Variants in PXDNL observed in about 807,000 individuals in gnomAD.
The protein encoded by PXDNL is probable oxidoreductase PXDNL.
A neutral mutation model predicts 150.8 loss-of-function variants in PXDNL; 145 were observed. The ratio of observed to expected loss-of-function variants is 0.96; its 90% CI spans 0.84 to 1.10. The LOEUF is 1.10. Among genes scored for constraint, PXDNL ranks in the 50% least tolerant of loss-of-function variants. The pLI is 0.00. For missense variants in PXDNL, 2,087 were observed against 1,873.9 expected, an observed-to-expected ratio of 1.11 and a Z score of -2.10; for synonymous variants, 757 against 725.7, an observed-to-expected ratio of 1.04 and a Z score of -0.69.
chr8:51,728,869 C>T (rs1816867472), intron 1 of PXDNL, among the ~76,000 whole-genome samples: 1 of 152,166 alleles, frequency 6.6e-6, no homozygotes. Flanking sequence ...TAGGCCTTCA[C>T]ATTTACTCGC....
At chr8:51,735,167 T>C (rs1817006828) in intron 1 of PXDNL, among the ~76,000 whole-genome samples, 1 of 152,192 alleles carries the variant, frequency 6.6e-6, no homozygotes, top group African/African-American at 2.4e-5. Flanking sequence ...ATATATACAA[T>C]TTTTGTACAT....
chr8:51,468,257 C>T (rs1241051078), intron 8 of PXDNL, among the ~76,000 whole-genome samples: 4 of 151,814 alleles, frequency 2.6e-5, no homozygotes, highest in Non-Finnish European at 2.9e-5. Context: ...ATTGGATTTC[C>T]GTAAATACAT....
intron 1 of PXDNL, among the ~76,000 whole-genome samples, chr8:51,751,234 T>A (rs1174901980): frequency 6.6e-6 from 1 of 152,200 alleles, no homozygotes; most frequent in African/African-American, 2.4e-5. Context: ...CTAATCTTAA[T>A]TATCTGAAAG....
At chr8:51,561,282 A>G (rs577868696) in intron 3 of PXDNL, among the ~76,000 whole-genome samples, 12 of 152,126 alleles carry the variant, frequency 7.9e-5, no homozygotes, top group Middle Eastern at 3.4e-3. Context: ...AAGAATTGAA[A>G]GTAGAGATAT....
At chr8:51,754,367 C>T (rs2130982387) in intron 1 of PXDNL, among the ~76,000 whole-genome samples, 1 of 152,250 alleles carries the variant, frequency 6.6e-6, no homozygotes, top group Non-Finnish European at 1.5e-5. Context: ...TGAGAGCACA[C>T]AAAAGAAACC....
intron 20 of PXDNL, among the ~76,000 whole-genome samples, chr8:51,345,252 A>G (rs887934365): frequency 1.3e-5 from 2 of 152,340 alleles, no homozygotes; most frequent in Admixed American, 6.5e-5. Flanking sequence ...TTCTGCTTTC[A>G]GAAGCTTCCA....
At chr8:51,491,086 A>G (rs2130227795) in intron 5 of PXDNL, among the ~76,000 whole-genome samples, 1 of 152,242 alleles carries the variant, frequency 6.6e-6, no homozygotes, top group African/African-American at 2.4e-5. Flanking sequence ...AGACTGGCTT[A>G]GCCTCCCAGA....
At chr8:51,551,450 G>A (rs1024117123) in intron 4 of PXDNL, among the ~76,000 whole-genome samples, 39 of 151,920 alleles carry the variant, frequency 2.6e-4, no homozygotes, top group Admixed American at 1.4e-3. Context: ...ATACCAAAAC[G>A]GCATGGTACT....
intron 17 of PXDNL, among the ~76,000 whole-genome samples, chr8:51,404,357 G>A (rs1808372376): frequency 3.9e-5 from 6 of 152,212 alleles, no homozygotes; most frequent in Middle Eastern, 3.4e-3. Flanking sequence ...TTGACAGGGT[G>A]CTGATTGGTG....
intron 1 of PXDNL, among the ~76,000 whole-genome samples, chr8:51,741,539 T>C (rs1251654271): frequency 6.6e-6 from 1 of 152,072 alleles, no homozygotes; most frequent in African/African-American, 2.4e-5. Context: ...CTCGCAAAAT[T>C]TGAAAAAGAA....
chr8:51,743,945 A>AAGGAAGGAAGGAAGGAAGG (rs2036935574), intron 1 of PXDNL, among the ~76,000 whole-genome samples: 2 of 22,380 alleles, frequency 8.9e-5, no homozygotes, highest in Admixed American at 7.6e-4. Flanking sequence ...GGAAGGAGAG[A>AAGGAAGGAAGGAAGGAAGG]AAGAGAGAAA....
chr8:51,702,771 G>C (rs1447914937), intron 1 of PXDNL, among the ~76,000 whole-genome samples: 1 of 152,054 alleles, frequency 6.6e-6, no homozygotes, highest in Non-Finnish European at 1.5e-5. Flanking sequence ...TAGAGCATCA[G>C]AATTTGGTCT....
chr8:51,444,033 A>G (rs1010680660), intron 12 of PXDNL, among the ~76,000 whole-genome samples: 3 of 152,200 alleles, frequency 2.0e-5, no homozygotes, highest in Admixed American at 6.5e-5. Flanking sequence ...GCTTCTTTTG[A>G]CATTTCCTTT....
intron 17 of PXDNL, among the ~76,000 whole-genome samples, chr8:51,385,805 T>A (rs1206024320): frequency 6.6e-6 from 1 of 152,120 alleles, no homozygotes; most frequent in Non-Finnish European, 1.5e-5. Context: ...AGCTAATGGT[T>A]TTATAAGGGG....
chr8:51,735,317 C>CT (rs1184047919), intron 1 of PXDNL, among the ~76,000 whole-genome samples: 1 of 150,830 alleles, frequency 6.6e-6, no homozygotes, highest in African/African-American at 2.4e-5. Context: ...CCTGTATCTA[C>CT]TAAAAAAAAA....
chr8:51,766,765 CA>C (rs1446691633), intron 1 of PXDNL, among the ~76,000 whole-genome samples: 1 of 151,876 alleles, frequency 6.6e-6, no homozygotes, highest in Non-Finnish European at 1.5e-5. Context: ...ATGTCTTCAA[CA>C]GATTGATTAT....
intron 9 of PXDNL, 150 bp from the exon 10 acceptor site, chr8:51,453,935 C>T: frequency 1.4e-6 from 1 of 736,008 alleles, no homozygotes; most frequent in East Asian, 2.8e-5. Flanking sequence ...ATTTAATTCC[C>T]AGAAAATTAA....
At chr8:51,543,052 A>T (rs1473496432) in intron 4 of PXDNL, among the ~76,000 whole-genome samples, 2 of 152,212 alleles carry the variant, frequency 1.3e-5, no homozygotes, top group African/African-American at 4.8e-5. Flanking sequence ...GCTCTTACCA[A>T]ATGTTTCATA....
chr8:51,430,289 C>T (rs988081050), intron 12 of PXDNL, among the ~76,000 whole-genome samples: 1 of 152,176 alleles, frequency 6.6e-6, no homozygotes, highest in South Asian at 2.1e-4. Flanking sequence ...ATCTTCTAGT[C>T]TCATTCCCTT....
Sources: gnomAD v4.1 joint callset for allele counts (sites outside exome capture counted in the v4.1 genomes callset) on GRCh38, gnomAD v4.1.1 for gene constraint, MANE v1.5 for transcripts, NCBI Gene and HGNC (gene_info 2026-07-23, HGNC 2026-07-21) for gene names.